The following GABRG3 variants were observed in gnomAD, a reference collection of about 807,000 sequenced individuals.
The protein encoded by GABRG3 is gamma-aminobutyric acid receptor subunit gamma-3.
Under a neutral mutation model 48.8 loss-of-function variants are expected in GABRG3, and 25 were observed. That is an observed-to-expected ratio of 0.51 (90% CI 0.37 to 0.72). The LOEUF (loss-of-function observed/expected upper bound fraction) is 0.72. Among genes scored for constraint, GABRG3 ranks in the 30% least tolerant of loss-of-function variants. GABRG3 has a pLI of 0.00. For missense variants in GABRG3, 394 were observed against 577.9 expected (o/e 0.68, Z 3.26); for synonymous variants, 227 against 217.6 (o/e 1.04, Z -0.38).
intron 3 of GABRG3, among the ~76,000 whole-genome samples, chr15:27,272,973 C>A (rs1187648029): frequency 3.3e-5 from 5 of 152,172 alleles, no homozygotes; most frequent in African/African-American, 1.2e-4. Flanking sequence ...CTCATCCCTG[C>A]ACTTGTGCAA....
intron 3 of GABRG3, among the ~76,000 whole-genome samples, chr15:27,187,684 G>T (rs1409365813): frequency 6.6e-6 from 1 of 151,824 alleles, no homozygotes; most frequent in South Asian, 2.1e-4. Context: ...AAATGGGATT[G>T]TGTTATTGAT....
chr15:27,245,442 T>C (rs573515356), intron 3 of GABRG3, among the ~76,000 whole-genome samples: 74 of 152,222 alleles, frequency 4.9e-4, no homozygotes, highest in Non-Finnish European at 9.3e-4. Flanking sequence ...TATTGAGTTG[T>C]TGAAATTATT....
intron 5 of GABRG3, among the ~76,000 whole-genome samples, chr15:27,330,931 C>T (rs1383479626): frequency 6.6e-6 from 1 of 152,114 alleles, no homozygotes; most frequent in African/African-American, 2.4e-5. Flanking sequence ...AAAGTGGCAC[C>T]TTCAATGCAT....
chr15:27,529,059 C>T (rs1391988409), intron 9 of GABRG3, among the ~76,000 whole-genome samples: 4 of 152,108 alleles, frequency 2.6e-5, no homozygotes, highest in African/African-American at 9.7e-5. Context: ...GTCCTTCCTA[C>T]CCTCAAAATG....
intron 3 of GABRG3, among the ~76,000 whole-genome samples, chr15:27,132,451 C>G (rs1206625055): frequency 2.0e-5 from 2 of 99,596 alleles, no homozygotes; most frequent in Non-Finnish European, 2.0e-5. Flanking sequence ...ATTACTGATT[C>G]AATCTTCCCA....
In GABRG3 at chr15:27,344,621, A is replaced by C. The variant is rs535262332; in HGVS notation, c.574+15733A>C. ...ATTCTAGAAAAATTAAGAAATTTGC[A>C]TACCAACATCAAGCATACCAAGCCA... is the stretch of plus-strand genomic sequence containing the variant. On this transcript the variant is annotated intron_variant, in intron 5 of 9. Coordinates refer to ENST00000615808, the MANE Select transcript of GABRG3 (RefSeq NM_033223.5). Among the ~76,000 whole-genome samples the C allele has an allele frequency of 1.4e-3, 212 of 152,330 alleles. 1 individual carries two copies. Among genetic ancestry groups the C allele is most frequent in the Non-Finnish European group, 2.2e-3 (153 of 68,034 alleles).
chr15:26,978,855 T>C (rs1583232), intron 2 of GABRG3, among the ~76,000 whole-genome samples: 100,846 of 152,126 alleles, frequency 0.66, 35,254 homozygotes, highest in East Asian at 1. Flanking sequence ...TAGTTTTCTC[T>C]GTAACTACAG....
intron 2 of GABRG3, among the ~76,000 whole-genome samples, chr15:26,989,515 G>GTATT (rs1415377847): frequency 1.3e-5 from 2 of 152,078 alleles, no homozygotes; most frequent in Non-Finnish European, 2.9e-5. Context: ...TATATAGTAG[G>GTATT]TATTTATGCT....
intron 3 of GABRG3, among the ~76,000 whole-genome samples, chr15:27,152,762 T>C (rs542079356): frequency 3.9e-5 from 6 of 152,344 alleles, no homozygotes; most frequent in African/African-American, 1.4e-4. Flanking sequence ...ATGATTTCCT[T>C]AAGTGCTTTT....
chr15:27,408,940 T>C (rs1887716919), intron 5 of GABRG3, among the ~76,000 whole-genome samples: 2 of 152,212 alleles, frequency 1.3e-5, no homozygotes, highest in Admixed American at 1.3e-4. Context: ...CAGTATGTAT[T>C]ATACAACTTT....
chr15:27,373,290 A>G (rs1301945583), intron 5 of GABRG3, among the ~76,000 whole-genome samples: 1 of 152,234 alleles, frequency 6.6e-6, no homozygotes, highest in African/African-American at 2.4e-5. Flanking sequence ...GTTTTTATCA[A>G]CTCATTAATA....
chr15:27,116,930 C>T (rs1897651100), intron 3 of GABRG3, among the ~76,000 whole-genome samples: 1 of 152,222 alleles, frequency 6.6e-6, no homozygotes, highest in African/African-American at 2.4e-5. Context: ...GACTTCCCCA[C>T]CTCCAGAACC....
chr15:27,499,636 T>C (rs1250295129), intron 6 of GABRG3, among the ~76,000 whole-genome samples: 2 of 152,206 alleles, frequency 1.3e-5, no homozygotes, highest in African/African-American at 4.8e-5. Flanking sequence ...ATTGAAGGAA[T>C]TCAATACAAA....
chr15:27,261,040 T>C (rs1338447883), intron 3 of GABRG3, among the ~76,000 whole-genome samples: 1 of 152,162 alleles, frequency 6.6e-6, no homozygotes, highest in African/African-American at 2.4e-5. Flanking sequence ...ATACATTGCA[T>C]AGTCACAATC....
chr15:27,185,036 T>A (rs1888049088), intron 3 of GABRG3, among the ~76,000 whole-genome samples: 1 of 152,152 alleles, frequency 6.6e-6, no homozygotes, highest in Non-Finnish European at 1.5e-5. Flanking sequence ...GTTTCATTAA[T>A]TTTTGTTCTT....
At chr15:27,519,334 A>C (rs1891103176) in intron 6 of GABRG3, among the ~76,000 whole-genome samples, 1 of 152,150 alleles carries the variant, frequency 6.6e-6, no homozygotes. Context: ...CATTGCTCCC[A>C]ACTTCTTTAT....
intron 5 of GABRG3, among the ~76,000 whole-genome samples, chr15:27,423,477 A>G (rs1427197253): frequency 4.0e-5 from 6 of 151,678 alleles, no homozygotes; most frequent in East Asian, 3.9e-4. Flanking sequence ...TCTGGACTCA[A>G]CATTTTATTA....
chr15:27,165,664 C>G (rs1028004222), intron 3 of GABRG3, among the ~76,000 whole-genome samples: 11 of 151,946 alleles, frequency 7.2e-5, no homozygotes, highest in African/African-American at 2.7e-4. Flanking sequence ...ACAGTTCTTT[C>G]CTCACACAAT....
intron 2 of GABRG3, among the ~76,000 whole-genome samples, chr15:27,026,342 C>G (rs1248340411): frequency 6.6e-6 from 1 of 152,220 alleles, no homozygotes; most frequent in African/African-American, 2.4e-5. Context: ...AACAACGTCA[C>G]TGACATTGCT....
Sources: allele counts gnomAD v4.1 joint callset (sites outside exome capture counted in the v4.1 genomes callset), GRCh38; gene constraint gnomAD v4.1.1; transcripts MANE v1.5; gene names NCBI Gene and HGNC (gene_info 2026-07-23, HGNC 2026-07-21).